GARS1: variants seen among roughly 807,000 people sequenced by gnomAD.
The protein encoded by GARS1 is glycyl-tRNA synthetase 1.
In GARS1, 46 loss-of-function variants were observed where a neutral mutation model predicts 86.4. The ratio of observed to expected loss-of-function variants is 0.53; its 90% CI spans 0.42 to 0.68. The LOEUF is 0.68. GARS1 is among the 30% of genes least tolerant of loss of function. The pLI, the probability that GARS1 is intolerant of heterozygous loss-of-function variation, is 0.00. For synonymous variants in GARS1, 342 were observed against 329.8 expected (o/e 1.04, Z -0.40); for missense variants, 797 against 915.6 (o/e 0.87, Z 1.67).
intron 1 of GARS1, among the ~76,000 whole-genome samples, chr7:30,598,534 G>A (rs1381711755): frequency 6.6e-6 from 1 of 151,926 alleles, no homozygotes; most frequent in Non-Finnish European, 1.5e-5. Context: ...GATTACAGGT[G>A]CCCACCACCA....
chr7:30,599,660 C>T (rs563812798), intron 2 of GARS1, among the ~76,000 whole-genome samples: 6 of 152,242 alleles, frequency 3.9e-5, no homozygotes, highest in Non-Finnish European at 7.3e-5. Flanking sequence ...ACTTCGGCCT[C>T]CCAAAGTACT....
intron 1 of GARS1, among the ~76,000 whole-genome samples, chr7:30,598,240 A>G (rs575436070): frequency 6.6e-6 from 1 of 152,098 alleles, no homozygotes; most frequent in African/African-American, 2.4e-5. Context: ...ACCCCTCTAT[A>G]CCCAAAGGAA....
intron 12 of GARS1, among the ~76,000 whole-genome samples, chr7:30,625,967 A>C (rs745647283): frequency 7.9e-5 from 12 of 152,204 alleles, no homozygotes; most frequent in Non-Finnish European, 1.3e-4. Context: ...AAACCAAAGG[A>C]ATTTGTCATT....
Position 30,601,220 on chromosome 7 carries a change from TG to T in GARS1, c.569+25del. On this transcript the variant is annotated intron_variant, in intron 4 of 16. Transcript: ENST00000389266. ...TTTAAAGTGAGATCTTACTTTGGAG[TG>T]GGGGTATCCTACTTTAAATAAAATA... 6.2e-7 allele frequency: 1 copy of T among 1,608,246 alleles called. No homozygotes were observed. Among genetic ancestry groups the T allele is most frequent in the Non-Finnish European group, 8.5e-7 (1 of 1,175,072 alleles).
At position 30,621,208 on chromosome 7, in the gene GARS1, A is replaced by T. The variant is rs144684706; in HGVS notation, c.1360-185A>T. 8.5e-5 allele frequency among the ~76,000 whole-genome samples: 13 copies of T among 152,260 alleles called. No homozygotes were observed. The East Asian group carries it at 2.5e-3, about 29-fold the overall frequency. On this transcript the variant is annotated intron_variant, in intron 10 of 16. Coordinates refer to ENST00000389266, the MANE Select transcript of GARS1 (RefSeq NM_002047.4). Reference sequence around the variant, plus strand: ...CAGATCAGTGTGAATTATATTTTATAGGCTTATTAGCTGCCTGATATATGA... The same window carrying T: ...CAGATCAGTGTGAATTATATTTTATTGGCTTATTAGCTGCCTGATATATGA...
chr7:30,594,795 C>T (rs2128131876), upstream of GARS1: 1 of 783,088 alleles, frequency 1.3e-6, no homozygotes, highest in Non-Finnish European at 2.0e-6. Flanking sequence ...CGCCGCGTCA[C>T]GCGGTGGTGA....
chr7:30,595,902 A>G (rs541452489), intron 1 of GARS1: 12 of 471,052 alleles, frequency 2.5e-5, no homozygotes, highest in Non-Finnish European at 5.3e-5. Flanking sequence ...CATCCTTAGT[A>G]TGGAATATTT....
intron 3 of GARS1, 82 bp from the exon 4 acceptor site, chr7:30,600,977 G>GGTATCAGTTTCTCA (rs1299416204): frequency 7.2e-6 from 9 of 1,258,190 alleles, no homozygotes; most frequent in Non-Finnish European, 9.3e-6. Context: ...AGGGAGTATA[G>GGTATCAGTTTCTCA]GTATCAGTTT....
Position 30,616,057 on chromosome 7 carries a change from AG to A in GARS1, c.1194+1del. ...RKMRLGDAVE[Q>X]GVINNTVLGY... The stretch of plus-strand genomic sequence containing the variant: ...ATGCGCCTGGGAGATGCTGTTGAAC[AG>A]GTAGGATTCTGGAGGTAACTTAACT... On this transcript the variant is annotated frameshift_variant and splice_region_variant, in exon 9 of 17. Coordinates refer to ENST00000389266, the MANE Select transcript of GARS1 (RefSeq NM_002047.4). LOFTEE classifies it high-confidence loss of function. 1 of 1,614,186 alleles carries A rather than the reference AG, an allele frequency of 6.2e-7. No individual in the cohort carries two copies. The highest frequency in any genetic ancestry group is 8.5e-7 in the Non-Finnish European group (1 of 1,180,022).
intron 10 of GARS1, among the ~76,000 whole-genome samples, chr7:30,618,186 C>CA (rs1562778585): frequency 6.6e-6 from 1 of 151,870 alleles, no homozygotes; most frequent in Non-Finnish European, 1.5e-5. Flanking sequence ...ATTAAACTTC[C>CA]AGTTATATGC....
Position 30,598,787 on chromosome 7 carries a change from C to G in GARS1, c.223-9C>G. The G allele has an allele frequency of 6.2e-7, 1 of 1,606,616 alleles. No homozygotes were observed. On this transcript the variant is annotated splice_polypyrimidine_tract_variant and intron_variant, in intron 1 of 16. Coordinates refer to ENST00000389266, the MANE Select transcript of GARS1 (RefSeq NM_002047.4). ...CCAATCCTGAATATAAATTCTCTTT[C>G]TTGGCTAGGGAGATCTTGTGCGAAA...
At chr7:30,633,673 A>G in intron 16 of GARS1, 62 bp from the exon 17 acceptor site, 1 of 1,586,908 alleles carries the variant, frequency 6.3e-7, no homozygotes. Context: ...TTCAGGATGA[A>G]TCTTCTTCTT....
rs559061999 is a variant in GARS1, at chr7:30,633,808, A to T, written c.2168A>T (p.Tyr723Phe). The T allele has an allele frequency of 6.2e-7, 1 of 1,607,432 alleles. No homozygotes were observed. The highest frequency in any genetic ancestry group is 1.1e-5 in the South Asian group (1 of 90,896). ...ACATGGGCTGATGTGGAGGCCAGGTATCCTCTGTTTGAAGGGCAAGAGACT... is the reference window on the plus strand; with the variant it reads ...ACATGGGCTGATGTGGAGGCCAGGTTTCCTCTGTTTGAAGGGCAAGAGACT... ...NITWADVEAR[Y>F]PLFEGQETGK... Residue 723 changes from tyrosine to phenylalanine, a missense_variant, in exon 17 of 17, where the codon TAT becomes TTT. Physicochemically the swap from Tyr to Phe is conservative, Grantham distance 22. This residue lies in a region of GARS1 where 598 missense variants were observed against 738.7 expected (regional missense o/e 0.81). Coordinates refer to ENST00000389266, the MANE Select transcript of GARS1 (RefSeq NM_002047.4).
chr7:30,612,303 G>C (rs749206751), intron 8 of GARS1, 58 bp downstream of exon 8: 32 of 1,505,952 alleles, frequency 2.1e-5, no homozygotes, highest in Non-Finnish European at 2.6e-5. Context: ...CATTGAAAAT[G>C]AAAGCTTGCT....
chr7:30,601,212 C>A lies in GARS1; in HGVS notation c.569+12C>A. 6.2e-7 allele frequency: 1 copy of A among 1,612,338 alleles called. No homozygotes were observed. Among genetic ancestry groups the A allele is most frequent in the Non-Finnish European group, 8.5e-7 (1 of 1,178,598 alleles). On this transcript the variant is annotated intron_variant, in intron 4 of 16. Coordinates refer to ENST00000389266, the MANE Select transcript of GARS1 (RefSeq NM_002047.4). ...GAGCCAGTTTTAAAGTGAGATCTTACTTTGGAGTGGGGGTATCCTACTTTA... is the reference window on the plus strand; with the variant it reads ...GAGCCAGTTTTAAAGTGAGATCTTAATTTGGAGTGGGGGTATCCTACTTTA...
chr7:30,599,998 G>C lies in GARS1; in HGVS notation c.376G>C (p.Asp126His). Residue 126 changes from aspartate to histidine, a missense_variant, in exon 3 of 17, where the codon GAT becomes CAT. By Grantham distance (81) the Asp-to-His change is moderately conservative. This residue lies in a region of GARS1 where 199 missense variants were observed against 176.9 expected (regional missense o/e 1.12). Transcript: ENST00000389266. Reference sequence around the variant, plus strand: ...TATTGTAGACCGAGCAAAAATGGAAGATACCCTGAAGAGGAGGTTTTTCTA... The same window carrying C: ...TATTGTAGACCGAGCAAAAATGGAACATACCCTGAAGAGGAGGTTTTTCTA... Reference protein sequence around the residue: ...DDIVDRAKMEDTLKRRFFYDQ... With the variant: ...DDIVDRAKMEHTLKRRFFYDQ... The C allele has an allele frequency of 1.9e-6, 3 of 1,613,856 alleles. No homozygotes were observed. Among genetic ancestry groups the C allele is most frequent in the Non-Finnish European group, 2.5e-6 (3 of 1,179,858 alleles).
intron 12 of GARS1, among the ~76,000 whole-genome samples, chr7:30,623,326 T>C (rs1006183265): frequency 2.0e-5 from 3 of 152,152 alleles, no homozygotes; most frequent in Non-Finnish European, 4.4e-5. Flanking sequence ...ATTATAAATA[T>C]GCTTCATGTA....
Position 30,622,314 on chromosome 7 carries a change from T to C in GARS1, c.1468-3T>C, listed in dbSNP as rs1783028375. 3.7e-6 allele frequency: 6 copies of C among 1,614,118 alleles called. No individual in the cohort carries two copies. Among genetic ancestry groups the C allele is most frequent in the Non-Finnish European group, 5.1e-6 (6 of 1,179,990 alleles). ...AGTTTTGGATTCCTTGACTACTTCA[T>C]ACAAAACAGTCAATGTTGTTCAGTT... On this transcript the variant is annotated splice_region_variant and splice_polypyrimidine_tract_variant and intron_variant, in intron 11 of 16. Transcript: ENST00000389266.
rs747874509 is a variant in GARS1, at chr7:30,612,099, C to T, written c.885C>T (p.Tyr295=). The change falls in exon 8 of 17, where the codon TAC becomes TAT. Residue 295 remains tyrosine (Y), a synonymous_variant. Coordinates refer to ENST00000389266, the MANE Select transcript of GARS1 (RefSeq NM_002047.4). ...FIGPGGNMPG[Y]LRPETAQGIF... ...ACTGACTTACTTAAATTTATAGGTACTTGAGACCAGAAACTGCACAGGGGA... is the reference window on the plus strand; with the variant it reads ...ACTGACTTACTTAAATTTATAGGTATTTGAGACCAGAAACTGCACAGGGGA... 1.2e-6 allele frequency: 2 copies of T among 1,613,492 alleles called. No homozygotes were observed. Among genetic ancestry groups the T allele is most frequent in the Non-Finnish European group, 1.7e-6 (2 of 1,179,448 alleles).
Sources: gnomAD v4.1 joint callset for allele counts (sites outside exome capture counted in the v4.1 genomes callset) on GRCh38, gnomAD v4.1.1 for gene constraint, gnomAD v4.1.1 regional missense constraint, MANE v1.5 for transcripts, NCBI Gene and HGNC (gene_info 2026-07-23, HGNC 2026-07-21) for gene names.